Variants in TANGO6 observed in about 807,000 individuals in gnomAD.
TANGO6 encodes transport and golgi organization 6 homolog, also known as transport and Golgi organization protein 6 homolog.
TANGO6 carries 90 observed loss-of-function variants against 114.2 expected under a neutral mutation model. The observed-to-expected ratio is 0.79, with a 90% CI of 0.66 to 0.94. The LOEUF is 0.94. TANGO6 is among the 40% of genes least tolerant of loss of function. TANGO6 has a pLI of 0.00. For missense variants in TANGO6, 1,274 were observed against 1,315.3 expected, an observed-to-expected ratio of 0.97 and a Z score of 0.49; for synonymous variants, 477 against 509.8, an observed-to-expected ratio of 0.94 and a Z score of 0.87.
At chr16:68,928,350 G>A (rs1963197764) in intron 13 of TANGO6, among the ~76,000 whole-genome samples, 1 of 127,182 alleles carries the variant, frequency 7.9e-6, no homozygotes, top group African/African-American at 3.1e-5. Context: ...TGTCCCCCAG[G>A]CTGGAGTGCA....
At chr16:69,020,798 G>A (rs528521345) in intron 15 of TANGO6, among the ~76,000 whole-genome samples, 1 of 152,198 alleles carries the variant, frequency 6.6e-6, no homozygotes, top group East Asian at 1.9e-4. Context: ...TCTGGAGGCT[G>A]AGGTGAGAGG....
At chr16:68,953,050 T>TTATTATTA (rs1555525238) in intron 14 of TANGO6, among the ~76,000 whole-genome samples, 64 of 139,206 alleles carry the variant, frequency 4.6e-4, no homozygotes, top group Admixed American at 7.3e-4. Flanking sequence ...ACAGGTATTT[T>TTATTATTA]TTATTATTAT....
At chr16:69,081,030 C>T (rs1567572503) in intron 17 of TANGO6, among the ~76,000 whole-genome samples, 4 of 151,920 alleles carry the variant, frequency 2.6e-5, no homozygotes. Context: ...CCCAGCTACT[C>T]GGGAGGCTAA....
intron 14 of TANGO6, among the ~76,000 whole-genome samples, chr16:68,962,319 G>T (rs77571838): frequency 0.058 from 8,835 of 152,164 alleles, 327 homozygotes; most frequent in Non-Finnish European, 0.077. Context: ...GTGACTTAGA[G>T]ATGCAAGAGA....
chr16:68,973,790 G>C, intron 14 of TANGO6: 1 of 538,556 alleles, frequency 1.9e-6, no homozygotes, highest in South Asian at 2.2e-5. Flanking sequence ...CGTCAGTGCT[G>C]GGAGTGACCT....
Position 68,878,139 on chromosome 16 carries a change from C to G in TANGO6, c.1153C>G (p.Gln385Glu), listed in dbSNP as rs745737692. 3 of 1,610,002 alleles carry G rather than the reference C, an allele frequency of 1.9e-6. No individual in the cohort carries two copies. In the African/African-American group the frequency reaches 4.0e-5, roughly 22 times the overall value. ...CPQVLDLFHF[Q>E]DKLTARQFQR... ...GTAGGTTCTGGATTTATTTCACTTT[C>G]AAGATAAATTGACAGCACGACAATT... The change falls in exon 6 of 18, where the codon CAA becomes GAA. Residue 385 changes from glutamine (Q) to glutamate (E), a missense_variant. By Grantham distance (29) the Gln-to-Glu change is conservative. Around this residue, in one of 5 missense-constraint regions of TANGO6, gnomAD observed 908 missense variants for 910.2 expected, o/e 1.00. Coordinates refer to ENST00000261778, the MANE Select transcript of TANGO6 (RefSeq NM_024562.2).
intron 7 of TANGO6, among the ~76,000 whole-genome samples, chr16:68,893,074 A>G (rs1962648948): frequency 6.6e-6 from 1 of 152,204 alleles, no homozygotes; most frequent in South Asian, 2.1e-4. Context: ...AGAGTTAGAA[A>G]CTTGTTACAT....
In TANGO6 at chr16:68,900,649, C is replaced by A. The variant is rs573362571; in HGVS notation, c.1490+103C>A. ...TTTATATTTGCCACTTTGAAATTAT[C>A]ATTTCCTTTCAAAGTCAGGAAAACA... On this transcript the variant is annotated intron_variant, in intron 8 of 17. Transcript: ENST00000261778. 3.5e-5 allele frequency: 33 copies of A among 946,178 alleles called. No homozygotes were observed. The African/African-American group carries it at 4.8e-4, about 14-fold the overall frequency. 58.6% of individuals were successfully genotyped at this position (946,178 alleles called of 1,614,324 possible).
At chr16:68,966,946 A>AT (rs1963652043) in intron 14 of TANGO6, among the ~76,000 whole-genome samples, 1 of 151,820 alleles carries the variant, frequency 6.6e-6, no homozygotes, top group Non-Finnish European at 1.5e-5. Flanking sequence ...TAATTTTTGT[A>AT]TTTTTAGTAG....
intron 9 of TANGO6, among the ~76,000 whole-genome samples, chr16:68,906,785 T>C (rs1255417440): frequency 1.4e-5 from 2 of 147,550 alleles, no homozygotes; most frequent in East Asian, 3.9e-4. Context: ...CCGCCTAGTT[T>C]CTTCTTCTTT....
chr16:69,027,261 C>G (rs1214695545), intron 16 of TANGO6, among the ~76,000 whole-genome samples: 1 of 152,122 alleles, frequency 6.6e-6, no homozygotes, highest in Non-Finnish European at 1.5e-5. Context: ...TATGGTATTT[C>G]CTGATTCTTG....
chr16:68,915,636 T>G (rs1962993456), intron 11 of TANGO6, among the ~76,000 whole-genome samples: 1 of 152,200 alleles, frequency 6.6e-6, no homozygotes, highest in South Asian at 2.1e-4. Context: ...TCTACCTAGT[T>G]TCTCTAGAAA....
intron 7 of TANGO6, among the ~76,000 whole-genome samples, chr16:68,897,577 G>A (rs1245768191): frequency 2.0e-5 from 3 of 151,132 alleles, no homozygotes; most frequent in South Asian, 2.1e-4. Flanking sequence ...AAAAATTAGC[G>A]GATTTTTTTT....
intron 16 of TANGO6, among the ~76,000 whole-genome samples, chr16:69,025,604 G>A (rs989593803): frequency 1.2e-4 from 18 of 152,228 alleles, no homozygotes; most frequent in Non-Finnish European, 2.6e-4. Flanking sequence ...AGGAAGACAA[G>A]TTTTCAATCC....
At chr16:69,035,484 C>T (rs567441972) in intron 16 of TANGO6, 1 of 152,298 alleles carries the variant, frequency 6.6e-6, no homozygotes, top group Admixed American at 6.5e-5. Context: ...TGGAATTTTC[C>T]AAAGTCAGTT....
intron 7 of TANGO6, among the ~76,000 whole-genome samples, chr16:68,887,716 A>C (rs1268429031): frequency 6.6e-6 from 1 of 152,086 alleles, no homozygotes; most frequent in African/African-American, 2.4e-5. Flanking sequence ...GTTTCTACTA[A>C]AAATACAAAA....
chr16:68,877,501 G>C, intron 5 of TANGO6, among the ~76,000 whole-genome samples: 1 of 151,628 alleles, frequency 6.6e-6, no homozygotes, highest in Non-Finnish European at 1.5e-5. Context: ...GAAAAATGTG[G>C]AGGGAGTTTT....
chr16:69,030,261 T>C (rs1411905583), intron 16 of TANGO6, among the ~76,000 whole-genome samples: 1 of 152,000 alleles, frequency 6.6e-6, no homozygotes, highest in Non-Finnish European at 1.5e-5. Flanking sequence ...GCATGGGTAA[T>C]CTGGTGGACA....
intron 1 of TANGO6, among the ~76,000 whole-genome samples, chr16:68,848,064 A>T (rs183777645): frequency 6.7e-6 from 1 of 149,980 alleles, no homozygotes; most frequent in East Asian, 2.0e-4. Context: ...TTTTTGAAGG[A>T]TGTTATTGTT....
Sources: allele counts gnomAD v4.1 joint callset (sites outside exome capture counted in the v4.1 genomes callset), GRCh38; gene constraint gnomAD v4.1.1; regional missense constraint gnomAD v4.1.1; transcripts MANE v1.5; gene names NCBI Gene and HGNC (gene_info 2026-07-23, HGNC 2026-07-21).